CAPN2: variants seen among roughly 807,000 people sequenced by gnomAD.
The protein encoded by CAPN2 is calpain 2.
In CAPN2, 92 loss-of-function variants were observed where a neutral mutation model predicts 102.3. The observed-to-expected ratio is 0.90, with a 90% CI of 0.76 to 1.07. CAPN2 has a LOEUF of 1.07. Ranked by LOEUF, CAPN2 falls within the 50% of genes least tolerant of loss-of-function variation. The pLI is 0.00. For synonymous variants in CAPN2, 340 were observed against 355.4 expected (o/e 0.96, Z 0.49); for missense variants, 800 against 909.4 (o/e 0.88, Z 1.55).
In CAPN2 at chr1:223,772,004, TCTAAA is replaced by T. The variant is rs1397728790; in HGVS notation, c.2020+83_2020+87del. ...CCTGCCTTTCACCTCGGTGAAATCA[TCTAAA>T]CTAGAGACATGTCTTCCAGGAGTTG... On this transcript the variant is annotated intron_variant, in intron 19 of 20. Coordinates refer to ENST00000295006, the MANE Select transcript of CAPN2 (RefSeq NM_001748.5). 5 of 1,158,046 alleles carry T rather than the reference TCTAAA, an allele frequency of 4.3e-6. No homozygotes were observed. In the Admixed American group the frequency reaches 5.1e-5, roughly 12 times the overall value. The allele number at this position is 1,158,046 out of a possible 1,614,324, so 71.7% of individuals were successfully genotyped here.
At chr1:223,747,777 G>A (rs1225615355) in intron 5 of CAPN2, among the ~76,000 whole-genome samples, 2 of 152,208 alleles carry the variant, frequency 1.3e-5, no homozygotes, top group Non-Finnish European at 2.9e-5. Flanking sequence ...TGGATCGAGA[G>A]ACAGAAGGAA....
chr1:223,733,013 G>T (rs1366359534), intron 2 of CAPN2, among the ~76,000 whole-genome samples: 5 of 152,190 alleles, frequency 3.3e-5, no homozygotes, highest in Non-Finnish European at 7.4e-5. Context: ...CCTGGGGGTT[G>T]CTCTGGTATC....
intron 10 of CAPN2, among the ~76,000 whole-genome samples, chr1:223,757,098 T>C (rs1011978406): frequency 5.3e-5 from 8 of 152,220 alleles, no homozygotes; most frequent in African/African-American, 1.2e-4. Context: ...GAGGCCGATA[T>C]GGGCTTTGCC....
chr1:223,733,959 C>T (rs758430812), intron 2 of CAPN2, among the ~76,000 whole-genome samples: 7 of 152,112 alleles, frequency 4.6e-5, no homozygotes, highest in African/African-American at 7.2e-5. Context: ...GGGAGAGAAA[C>T]GGTCCCAACT....
chr1:223,714,226 C>T (rs892038082), intron 1 of CAPN2, among the ~76,000 whole-genome samples: 3 of 152,224 alleles, frequency 2.0e-5, no homozygotes, highest in Non-Finnish European at 2.9e-5. Flanking sequence ...GTTCTTCCTA[C>T]TGAACTGCAG....
At position 223,774,457 on chromosome 1, in the gene CAPN2, C is replaced by T. The variant is rs990799717; in HGVS notation, c.2080-377C>T. 2.6e-5 allele frequency among the ~76,000 whole-genome samples: 4 copies of T among 152,270 alleles called. No homozygotes were observed. In the South Asian group the frequency reaches 6.2e-4, roughly 24 times the overall value. On this transcript the variant is annotated intron_variant, in intron 20 of 20. Transcript: ENST00000295006. ...TTGAATCAATCTGATTTAAAGTTTCCGTATCACTACAACTTAGAACCAATG... is the reference window on the plus strand; with the variant it reads ...TTGAATCAATCTGATTTAAAGTTTCTGTATCACTACAACTTAGAACCAATG...
At chr1:223,738,652 T>C (rs1571796694) in intron 2 of CAPN2, among the ~76,000 whole-genome samples, 1 of 152,096 alleles carries the variant, frequency 6.6e-6, no homozygotes, top group African/African-American at 2.4e-5. Flanking sequence ...GTGAAGAAGG[T>C]GAACAGCTGA....
chr1:223,758,147 A>G (rs1328961795), intron 11 of CAPN2: 3 of 152,182 alleles, frequency 2.0e-5, no homozygotes, highest in Non-Finnish European at 4.4e-5. Context: ...AGGTGTAGCC[A>G]CCGTGCCTGG....
At chr1:223,712,220 C>CT (rs1659746667), upstream of CAPN2, 1 of 153,776 alleles carries the variant, frequency 6.5e-6, no homozygotes, top group Non-Finnish European at 1.4e-5. Context: ...CCTCTGCTAA[C>CT]TCCCCGGGTG....
At chr1:223,702,322 G>A (rs1391526030) in intron 1 of CAPN2, among the ~76,000 whole-genome samples, 1 of 152,060 alleles carries the variant, frequency 6.6e-6, no homozygotes, top group East Asian at 1.9e-4. Context: ...AGCTACTAGG[G>A]AGGCTAAGGC....
intron 18 of CAPN2, 124 bp from the exon 19 acceptor site, chr1:223,771,685 C>A: frequency 1.4e-6 from 1 of 707,652 alleles, no homozygotes; most frequent in Non-Finnish European, 2.5e-6. Flanking sequence ...CACAGAAGAG[C>A]AGCCAAGGGA....
chr1:223,730,010 C>CAAAAAAAAAAA (rs57382658), intron 2 of CAPN2, among the ~76,000 whole-genome samples: 55 of 78,990 alleles, frequency 7.0e-4, no homozygotes, highest in East Asian at 4.1e-3. Flanking sequence ...CCCAAAAAAC[C>CAAAAAAAAAAA]AAAAAAAAAA....
In CAPN2 at chr1:223,752,826, T is replaced by C. The variant is rs28370081; in HGVS notation, c.1005T>C (p.Tyr335=). ...CTTTCAGTGACTTCCTGAGGCACTA[T>C]TCCCGCCTGGAGATCTGTAACCTGA... The part of the protein sequence containing the change: ...WMSFSDFLRH[Y]SRLEICNLTP... Residue 335 remains tyrosine, a synonymous_variant, in exon 9 of 21, where the codon TAT becomes TAC. Coordinates refer to ENST00000295006, the MANE Select transcript of CAPN2 (RefSeq NM_001748.5). 5.2e-3 allele frequency: 8,321 copies of C among 1,614,140 alleles called. 32 individuals carry two copies. The highest frequency in any genetic ancestry group is 6.4e-3 in the Non-Finnish European group (7,573 of 1,180,000).
chr1:223,718,665 G>A (rs74409859), intron 2 of CAPN2, among the ~76,000 whole-genome samples: 3 of 152,274 alleles, frequency 2.0e-5, no homozygotes, highest in African/African-American at 7.2e-5. Flanking sequence ...TCTATTTTCT[G>A]CCATCAGCCT....
rs148959450 is a variant in CAPN2 at position 223,722,577 on chromosome 1, A to T, written c.307+4746A>T. On this transcript the variant is annotated intron_variant, in intron 2 of 20. Transcript: ENST00000295006. ...AGTGCTGGGATTACAGGTGCGAGTC[A>T]CCACACCTGGCAAATAATTTTTAAA... is the stretch of plus-strand genomic sequence containing the variant. 4.1e-3 allele frequency among the ~76,000 whole-genome samples: 626 copies of T among 151,742 alleles called. 3 individuals carry two copies. Among genetic ancestry groups the T allele is most frequent in the African/African-American group, 0.015 (601 of 41,420 alleles).
upstream of CAPN2, among the ~76,000 whole-genome samples, chr1:223,708,200 G>A (rs957396293): frequency 4.6e-5 from 7 of 152,118 alleles, no homozygotes; most frequent in African/African-American, 1.4e-4. Flanking sequence ...CTGTGTCCCC[G>A]CCTTATTCAA....
rs542395950 is a variant in CAPN2 at position 223,748,181 on chromosome 1, T to C, written c.730-858T>C. 2.4e-4 allele frequency among the ~76,000 whole-genome samples: 37 copies of C among 152,316 alleles called. No individual in the cohort carries two copies. The South Asian group carries it at 7.7e-3, about 32-fold the overall frequency. On this transcript the variant is annotated intron_variant, in intron 5 of 20. Coordinates refer to ENST00000295006, the MANE Select transcript of CAPN2 (RefSeq NM_001748.5). ...AAGAGGAGGAAAGATTTCCTCATAA[T>C]AGCCTTGCTGGCAACGCTCACCAGG...
intron 2 of CAPN2, among the ~76,000 whole-genome samples, chr1:223,742,854 C>T (rs900114874): frequency 4.6e-5 from 7 of 152,092 alleles, no homozygotes; most frequent in Non-Finnish European, 8.8e-5. Flanking sequence ...TGTCAATTGG[C>T]GAAAATAAAT....
intron 2 of CAPN2, among the ~76,000 whole-genome samples, chr1:223,728,138 C>T (rs1381027597): frequency 6.6e-6 from 1 of 152,138 alleles, no homozygotes; most frequent in East Asian, 1.9e-4. Context: ...TAGTGTGTAA[C>T]AATCCACCCC....
Sources: allele counts gnomAD v4.1 joint callset (sites outside exome capture counted in the v4.1 genomes callset), GRCh38; gene constraint gnomAD v4.1.1; transcripts MANE v1.5; gene names NCBI Gene and HGNC (gene_info 2026-07-23, HGNC 2026-07-21).